ARRB1: variants seen among roughly 807,000 people sequenced by gnomAD.
ARRB1 encodes the protein arrestin beta 1, also known as beta-arrestin-1.
ARRB1 carries 21 observed loss-of-function variants against 56.8 expected under a neutral mutation model. That is an observed-to-expected ratio of 0.37 (90% CI 0.26 to 0.53). The LOEUF is 0.53. Among genes scored for constraint, ARRB1 ranks in the 20% least tolerant of loss-of-function variants. The pLI is 0.88. For synonymous variants in ARRB1, 210 were observed against 218.6 expected, an observed-to-expected ratio of 0.96 and a Z score of 0.35; for missense variants, 424 against 553.7, an observed-to-expected ratio of 0.77 and a Z score of 2.35.
intron 2 of ARRB1, among the ~76,000 whole-genome samples, chr11:75,289,755 A>G (rs1946561184): frequency 6.6e-6 from 1 of 152,118 alleles, no homozygotes; most frequent in Admixed American, 6.5e-5. Context: ...TCTCTATGAC[A>G]GGCCGTCTCT....
At chr11:75,317,018 A>G (rs533588435) in intron 1 of ARRB1, among the ~76,000 whole-genome samples, 1 of 152,318 alleles carries the variant, frequency 6.6e-6, no homozygotes, top group South Asian at 2.1e-4. Context: ...GTCAGCCGAG[A>G]TCGAGCTACT....
At chr11:75,318,182 A>AGC (rs1947294450) in intron 1 of ARRB1, among the ~76,000 whole-genome samples, 1 of 130,828 alleles carries the variant, frequency 7.6e-6, no homozygotes, top group Non-Finnish European at 1.6e-5. Context: ...TTTGAGAGAG[A>AGC]GAGAGATTGG....
In ARRB1 at chr11:75,266,117, T is replaced by G; in HGVS notation, c.*46A>C. On this transcript the variant is annotated 3_prime_UTR_variant, in exon 16 of 16. Coordinates refer to ENST00000420843, the MANE Select transcript of ARRB1 (RefSeq NM_004041.5). The stretch of plus-strand genomic sequence containing the variant: ...GGAAGAAGACGAGTAAGCATCCGAG[T>G]GCACGAGAGTGGAGCCGGAGCCACG... 1 of 1,430,896 alleles carries G rather than the reference T, an allele frequency of 7.0e-7. No individual in the cohort carries two copies. The highest frequency in any genetic ancestry group is 2.3e-5 in the East Asian group (1 of 44,044). The allele number at this position is 1,430,896 out of a possible 1,614,324, so 88.6% of individuals were successfully genotyped here. A position where few individuals can be genotyped will look rare whatever the true frequency, so the allele number is the denominator to read the frequency against.
rs34831668 is a variant in ARRB1 at position 75,297,864 on chromosome 11, CAAAAAAA to C, written c.21-7832_21-7826del. On this transcript the variant is annotated intron_variant, in intron 1 of 15. Coordinates refer to ENST00000420843, the MANE Select transcript of ARRB1 (RefSeq NM_004041.5). ...TGGGTAAGAGAGCAAGACTTTGTCTCAAAAAAAAAAAAAAAAAAAAAAAAAAAATTAA... is the reference window on the plus strand; with the variant it reads ...TGGGTAAGAGAGCAAGACTTTGTCTCAAAAAAAAAAAAAAAAAAAAATTAA... Among the ~76,000 whole-genome samples the C allele has an allele frequency of 3.1e-3, 90 of 29,266 alleles. 1 individual carries two copies. In the East Asian group the frequency reaches 0.035, roughly 11 times the overall value. The allele number at this position is 29,266 out of a possible 152,430, so 19.2% of individuals were successfully genotyped here. A position where few individuals can be genotyped will look rare whatever the true frequency, so the allele number is the denominator to read the frequency against.
intron 10 of ARRB1, 55 bp from the exon 11 acceptor site, chr11:75,274,266 C>T: frequency 6.3e-7 from 1 of 1,599,282 alleles, no homozygotes. Context: ...CAACCCCAGC[C>T]CTGATCTCCA....
At chr11:75,303,620 G>A (rs1449952788) in intron 1 of ARRB1, 6 of 456,146 alleles carry the variant, frequency 1.3e-5, no homozygotes, top group African/African-American at 4.0e-5. Context: ...ACAGGCCCCG[G>A]TGTCGGTGTT....
chr11:75,287,226 G>A (rs775453197), intron 3 of ARRB1, 89 bp downstream of exon 3: 30 of 1,365,714 alleles, frequency 2.2e-5, no homozygotes, highest in South Asian at 2.0e-4. Flanking sequence ...TCTTGGCACC[G>A]GGCCCCTCTG....
At position 75,267,721 on chromosome 11, in the gene ARRB1, G is replaced by C. The variant is rs1314520099; in HGVS notation, c.1094-18C>G. The C allele has an allele frequency of 6.4e-7, 1 of 1,556,252 alleles. No individual in the cohort carries two copies. ...CTCTGGAACTAAACACAGGGTGGGT[G>C]GGCAGGGTGTCCAGGGATTAGTGAG... On this transcript the variant is annotated intron_variant, in intron 14 of 15. Transcript: ENST00000420843.
chr11:75,324,172 T>C (rs1947391621), intron 1 of ARRB1, among the ~76,000 whole-genome samples: 1 of 152,202 alleles, frequency 6.6e-6, no homozygotes, highest in Non-Finnish European at 1.5e-5. Context: ...AAATAATTAC[T>C]GAAAGATAAC....
intron 1 of ARRB1, among the ~76,000 whole-genome samples, chr11:75,308,410 C>T (rs1167998127): frequency 6.6e-6 from 1 of 152,182 alleles, no homozygotes; most frequent in Admixed American, 6.5e-5. Context: ...CACTGAAAAG[C>T]AATCTGACTG....
chr11:75,318,689 CA>C (rs1002536870), intron 1 of ARRB1, among the ~76,000 whole-genome samples: 103 of 139,956 alleles, frequency 7.4e-4, no homozygotes, highest in Middle Eastern at 3.7e-3. Context: ...GACTCTGTCT[CA>C]AAAAAAAAAA....
At chr11:75,312,011 C>T in intron 1 of ARRB1, 11 of 1,283,544 alleles carry the variant, frequency 8.6e-6, no homozygotes, top group Non-Finnish European at 1.1e-5. Context: ...TCTCGAAGGC[C>T]CAGATCGGAG....
At chr11:75,317,232 G>T (rs1341149097) in intron 1 of ARRB1, among the ~76,000 whole-genome samples, 1 of 152,140 alleles carries the variant, frequency 6.6e-6, no homozygotes, top group East Asian at 1.9e-4. Flanking sequence ...TACAGTCTAG[G>T]GTCTTTTTGA....
chr11:75,349,018 A>G (rs1355843195), intron 1 of ARRB1, among the ~76,000 whole-genome samples: 1 of 152,206 alleles, frequency 6.6e-6, no homozygotes, highest in East Asian at 1.9e-4. Context: ...GATGGTTGCG[A>G]TGATTCCTGA....
chr11:75,338,393 T>C (rs1947644141), intron 1 of ARRB1, among the ~76,000 whole-genome samples: 1 of 152,136 alleles, frequency 6.6e-6, no homozygotes, highest in Admixed American at 6.5e-5. Flanking sequence ...GGGAGCCATG[T>C]CTCTATCACC....
chr11:75,293,265 C>T (rs1946650302), intron 1 of ARRB1, among the ~76,000 whole-genome samples: 1 of 152,132 alleles, frequency 6.6e-6, no homozygotes, highest in Non-Finnish European at 1.5e-5. Context: ...TTTCCTAGAA[C>T]ACTGCTGATC....
At chr11:75,267,760 G>T in intron 14 of ARRB1, 57 bp from the exon 15 acceptor site, 1 of 1,523,492 alleles carries the variant, frequency 6.6e-7, no homozygotes, top group Non-Finnish European at 9.0e-7. Flanking sequence ...ATGAGCACGG[G>T]GCGAGTAAGC....
At chr11:75,325,866 A>G (rs1947424407) in intron 1 of ARRB1, among the ~76,000 whole-genome samples, 1 of 152,148 alleles carries the variant, frequency 6.6e-6, no homozygotes. Context: ...CCTCACGCCC[A>G]GGGCTCTCTG....
chr11:75,336,101 C>A (rs74482654), intron 1 of ARRB1, among the ~76,000 whole-genome samples: 21 of 152,288 alleles, frequency 1.4e-4, no homozygotes, highest in Admixed American at 2.6e-4. Context: ...TCATCTCAGT[C>A]TGGCATGGAC....
Sources: gnomAD v4.1 joint callset for allele counts (sites outside exome capture counted in the v4.1 genomes callset) on GRCh38, gnomAD v4.1.1 for gene constraint, MANE v1.5 for transcripts, NCBI Gene and HGNC (gene_info 2026-07-23, HGNC 2026-07-21) for gene names.